Variants in PLD5 observed in about 807,000 individuals in gnomAD.
PLD5 encodes phospholipase D family member 5.
A neutral mutation model predicts 61.1 loss-of-function variants in PLD5; 36 were observed. The observed-to-expected ratio is 0.59, with a 90% CI of 0.45 to 0.78. The LOEUF is 0.78. Among genes scored for constraint, PLD5 ranks in the 30% least tolerant of loss-of-function variants. PLD5 has a pLI of 0.00. For missense variants in PLD5, 515 were observed against 644.4 expected (o/e 0.80, Z 2.17); for synonymous variants, 243 against 242.8 (o/e 1.00, Z -0.01).
intron 1 of PLD5, among the ~76,000 whole-genome samples, chr1:242,453,613 T>G (rs1666855501): frequency 6.6e-6 from 1 of 152,164 alleles, no homozygotes; most frequent in African/African-American, 2.4e-5. Context: ...GTACCTGCCA[T>G]TCCAAAAAGG....
chr1:242,496,435 A>G (rs374471929), intron 1 of PLD5, among the ~76,000 whole-genome samples: 5 of 152,300 alleles, frequency 3.3e-5, no homozygotes, highest in East Asian at 3.9e-4. Flanking sequence ...ATATAAGGTA[A>G]TGATTTAATA....
chr1:242,193,435 A>G (rs981767774), intron 5 of PLD5, among the ~76,000 whole-genome samples: 1 of 152,182 alleles, frequency 6.6e-6, no homozygotes, highest in Non-Finnish European at 1.5e-5. Flanking sequence ...AGAGTGCAAT[A>G]AAGTCCCGTG....
rs1662000429 is a variant in PLD5 at position 242,376,998 on chromosome 1, G to A, written c.190-28756C>T. On this transcript the variant is annotated intron_variant, in intron 1 of 9. Transcript: ENST00000536534. ...TATCCGCATGTGAGTATTTGAGGCA[G>A]CTTCAGTTTCAAAAGTTTTTGCGCA... 5 of 1,611,814 alleles carry A rather than the reference G, an allele frequency of 3.1e-6. No homozygotes were observed. The Admixed American group carries it at 8.3e-5, about 27-fold the overall frequency.
At chr1:242,419,158 A>C (rs969574256) in intron 1 of PLD5, among the ~76,000 whole-genome samples, 1 of 152,184 alleles carries the variant, frequency 6.6e-6, no homozygotes, top group African/African-American at 2.4e-5. Context: ...TCACGCCTCC[A>C]GGCGGGTGTG....
intron 1 of PLD5, among the ~76,000 whole-genome samples, chr1:242,469,530 C>T (rs543462224): frequency 1.5e-4 from 23 of 152,168 alleles, no homozygotes; most frequent in African/African-American, 3.9e-4. Context: ...GCTTTGTTTT[C>T]GATAGGGTCT....
chr1:242,248,554 T>G (rs1672522340), intron 4 of PLD5, among the ~76,000 whole-genome samples: 1 of 151,930 alleles, frequency 6.6e-6, no homozygotes. Context: ...GACAAACAAC[T>G]TTGTATCAGC....
chr1:242,128,112 C>T (rs1035539505), intron 5 of PLD5, among the ~76,000 whole-genome samples: 1 of 152,034 alleles, frequency 6.6e-6, no homozygotes, highest in South Asian at 2.1e-4. Flanking sequence ...CAAAAACAGT[C>T]TGGGCAATAT....
At position 242,232,167 on chromosome 1, in the gene PLD5, C is replaced by A. The variant is rs558943169; in HGVS notation, c.608-12052G>T. Among the ~76,000 whole-genome samples the A allele has an allele frequency of 4.6e-5, 7 of 152,168 alleles. No homozygotes were observed. In the East Asian group the frequency reaches 1.4e-3, roughly 29 times the overall value. On this transcript the variant is annotated intron_variant, in intron 4 of 9. Transcript: ENST00000536534. ...GCAAAAGTTTAAAAAGGCCCACACA[C>A]ATATCATAATATAATTTCAGAATAT... is the stretch of plus-strand genomic sequence containing the variant.
chr1:242,481,416 C>T (rs1041592105), intron 1 of PLD5, among the ~76,000 whole-genome samples: 4 of 152,216 alleles, frequency 2.6e-5, no homozygotes, highest in East Asian at 1.9e-4. Context: ...GATTGTATCC[C>T]GTGCCTGGCT....
chr1:242,397,214 C>T (rs1277657437), intron 1 of PLD5, among the ~76,000 whole-genome samples: 1 of 152,076 alleles, frequency 6.6e-6, no homozygotes, highest in Non-Finnish European at 1.5e-5. Context: ...AAACTCTAGA[C>T]TTACATAGCC....
At chr1:242,186,167 G>T (rs1000913503) in intron 5 of PLD5, among the ~76,000 whole-genome samples, 1 of 150,926 alleles carries the variant, frequency 6.6e-6, no homozygotes, top group Non-Finnish European at 1.5e-5. Context: ...AATGAAGAGA[G>T]ATATATATAT....
chr1:242,325,370 T>TAGGGAGAG (rs1491042540), intron 2 of PLD5, among the ~76,000 whole-genome samples: 2 of 138,394 alleles, frequency 1.4e-5, no homozygotes, highest in Admixed American at 8.0e-5. Flanking sequence ...TATATATATA[T>TAGGGAGAG]ATAGGGAGAG....
upstream of PLD5, among the ~76,000 whole-genome samples, chr1:242,527,065 C>G (rs1198119809): frequency 6.9e-6 from 1 of 144,604 alleles, no homozygotes; most frequent in African/African-American, 2.6e-5. Flanking sequence ...TTAAACTATA[C>G]CTTTATAGGA....
In PLD5 at chr1:242,161,321, C is replaced by T. The variant is rs316844; in HGVS notation, c.736-36656G>A. 8.7e-3 allele frequency among the ~76,000 whole-genome samples: 1,329 copies of T among 152,100 alleles called. 24 individuals carry two copies. Among genetic ancestry groups the T allele is most frequent in the African/African-American group, 0.03 (1,243 of 41,460 alleles). Reference sequence around the variant, plus strand: ...TCCCCTTTATAAAACCATCAGATCTCGTGAGACTTATTCACTACCATGAGA... The same window carrying T: ...TCCCCTTTATAAAACCATCAGATCTTGTGAGACTTATTCACTACCATGAGA... On this transcript the variant is annotated intron_variant, in intron 5 of 9. Transcript: ENST00000536534.
At chr1:242,160,586 A>G (rs1665742598) in intron 5 of PLD5, among the ~76,000 whole-genome samples, 1 of 152,152 alleles carries the variant, frequency 6.6e-6, no homozygotes, top group Non-Finnish European at 1.5e-5. Flanking sequence ...CTTTATTGAC[A>G]CTGGAAAATG....
At chr1:242,391,039 C>A (rs1278017492) in intron 1 of PLD5, among the ~76,000 whole-genome samples, 1 of 151,850 alleles carries the variant, frequency 6.6e-6, no homozygotes, top group Non-Finnish European at 1.5e-5. Context: ...AAAAAAAATA[C>A]AAAAAATTAG....
At chr1:242,358,999 C>T (rs1428491262) in intron 1 of PLD5, among the ~76,000 whole-genome samples, 3 of 152,124 alleles carry the variant, frequency 2.0e-5, no homozygotes, top group Non-Finnish European at 4.4e-5. Flanking sequence ...GGCTGGCTAT[C>T]GAGGGATTCA....
chr1:242,402,386 A>G (rs1220377961), intron 1 of PLD5, among the ~76,000 whole-genome samples: 2 of 152,222 alleles, frequency 1.3e-5, no homozygotes, highest in Non-Finnish European at 2.9e-5. Context: ...TGTGCATTAT[A>G]AAAACATGGA....
At chr1:242,308,323 T>C (rs1235356446) in intron 2 of PLD5, among the ~76,000 whole-genome samples, 2 of 152,102 alleles carry the variant, frequency 1.3e-5, no homozygotes, top group Non-Finnish European at 2.9e-5. Context: ...TAGGGTTTAG[T>C]AAAAGGAATG....
Sources: allele counts gnomAD v4.1 joint callset (sites outside exome capture counted in the v4.1 genomes callset), GRCh38; gene constraint gnomAD v4.1.1; transcripts MANE v1.5; gene names NCBI Gene and HGNC (gene_info 2026-07-23, HGNC 2026-07-21).